The following ZNF469 variants were observed in gnomAD, a reference collection of about 807,000 sequenced individuals.
The protein encoded by ZNF469 is zinc finger protein 469.
Under a neutral mutation model 1.0 loss-of-function variants are expected in ZNF469, and 1 was observed. The ratio of observed to expected loss-of-function variants is 1.00; its 90% CI spans 0.35 to 4.73. ZNF469 has a LOEUF of 4.73. Among genes scored for constraint, ZNF469 ranks in the 30% most tolerant of loss-of-function variants. The pLI is 0.16. For missense variants in ZNF469, 6,100 were observed against 5,356.3 expected (o/e 1.14, Z -4.33); for synonymous variants, 2,703 against 2,363.4 (o/e 1.14, Z -4.17).
At chr16:88,317,085 G>A in the ZNF469 span, among the ~76,000 whole-genome samples, 1 of 152,218 alleles carries the variant, frequency 6.6e-6, no homozygotes. Flanking sequence ...CGGCCGGCCA[G>A]AGGCTTGAGG....
At chr16:88,146,461 C>T in the ZNF469 span, among the ~76,000 whole-genome samples, 1 of 152,156 alleles carries the variant, frequency 6.6e-6, no homozygotes, top group African/African-American at 2.4e-5. Flanking sequence ...GTCTCACGCC[C>T]CCAGGTGCAG....
the ZNF469 span, among the ~76,000 whole-genome samples, chr16:88,134,942 G>T: frequency 2.0e-5 from 3 of 152,222 alleles, no homozygotes; most frequent in Non-Finnish European, 4.4e-5. Context: ...TCTGTTAACT[G>T]ATTCATTTCA....
the ZNF469 span, among the ~76,000 whole-genome samples, chr16:88,187,210 A>C: frequency 6.6e-6 from 1 of 152,064 alleles, no homozygotes; most frequent in Non-Finnish European, 1.5e-5. Context: ...ACCCTGAAGC[A>C]GCTCTTCTTT....
the ZNF469 span, among the ~76,000 whole-genome samples, chr16:88,355,182 G>T: frequency 6.6e-6 from 1 of 152,154 alleles, no homozygotes; most frequent in Non-Finnish European, 1.5e-5. Flanking sequence ...ACTCTACAAC[G>T]AGACTATCAC....
At chr16:88,268,500 C>T in the ZNF469 span, among the ~76,000 whole-genome samples, 13 of 151,530 alleles carry the variant, frequency 8.6e-5, no homozygotes, top group African/African-American at 2.7e-4. Context: ...TGAAGAGGAC[C>T]GGCTGAGTAT....
At chr16:88,220,334 C>T in the ZNF469 span, among the ~76,000 whole-genome samples, 6 of 152,278 alleles carry the variant, frequency 3.9e-5, no homozygotes, top group Admixed American at 3.9e-4. Context: ...TGCTATAAAA[C>T]CTGGAGAATT....
intron 1 of ZNF469, among the ~76,000 whole-genome samples, chr16:88,408,085 G>A (rs1477883337): frequency 6.6e-6 from 1 of 152,206 alleles, no homozygotes; most frequent in Non-Finnish European, 1.5e-5. Context: ...TTGGTTTGTG[G>A]TTTGTGTCTC....
At chr16:88,309,550 G>A in the ZNF469 span, among the ~76,000 whole-genome samples, 2 of 150,514 alleles carry the variant, frequency 1.3e-5, no homozygotes, top group South Asian at 2.1e-4. Context: ...CACCTGATGG[G>A]GGGAGTACCC....
the ZNF469 span, among the ~76,000 whole-genome samples, chr16:88,123,928 C>T: frequency 1.7e-3 from 260 of 152,280 alleles, 1 homozygote; most frequent in African/African-American, 6.0e-3. Flanking sequence ...CTCAGCCTCC[C>T]AAGTAGCTGG....
the ZNF469 span, among the ~76,000 whole-genome samples, chr16:88,264,678 C>T: frequency 2.6e-5 from 4 of 151,954 alleles, no homozygotes; most frequent in South Asian, 2.1e-4. Context: ...CACCTTTGTC[C>T]GGCCTCCCAG....
chr16:88,186,420 C>G, the ZNF469 span, among the ~76,000 whole-genome samples: 1 of 152,162 alleles, frequency 6.6e-6, no homozygotes, highest in Non-Finnish European at 1.5e-5. Context: ...CCAGGCCGAC[C>G]GGGGAGGCTG....
At chr16:88,218,504 T>C in the ZNF469 span, among the ~76,000 whole-genome samples, 1 of 152,210 alleles carries the variant, frequency 6.6e-6, no homozygotes, top group African/African-American at 2.4e-5. Flanking sequence ...GTTTTAGACA[T>C]GAAGTCCTTG....
chr16:88,239,683 A>G, the ZNF469 span, among the ~76,000 whole-genome samples: 16 of 6,024 alleles, frequency 2.7e-3, no homozygotes, highest in Admixed American at 3.4e-3. Context: ...ATATATATAT[A>G]TATATATATA....
chr16:88,185,079 G>A, the ZNF469 span, among the ~76,000 whole-genome samples: 1 of 132,532 alleles, frequency 7.5e-6, no homozygotes, highest in Non-Finnish European at 1.7e-5. Flanking sequence ...ACACCCACGG[G>A]CACACCTAGA....
intron 1 of ZNF469, among the ~76,000 whole-genome samples, chr16:88,417,582 T>C (rs1178107843): frequency 6.6e-6 from 1 of 152,154 alleles, no homozygotes; most frequent in Non-Finnish European, 1.5e-5. Context: ...CCCCAAACGT[T>C]TCTCGCTCCC....
At chr16:88,181,016 C>G in the ZNF469 span, among the ~76,000 whole-genome samples, 1 of 151,572 alleles carries the variant, frequency 6.6e-6, no homozygotes, top group Non-Finnish European at 1.5e-5. Context: ...CAATATCATC[C>G]AAATTGATTG....
At chr16:88,105,573 G>A in the ZNF469 span, among the ~76,000 whole-genome samples, 154 of 152,306 alleles carry the variant, frequency 1.0e-3, no homozygotes, top group Non-Finnish European at 1.5e-3. Flanking sequence ...CCAAAGTGCT[G>A]GGATTATGGC....
the ZNF469 span, among the ~76,000 whole-genome samples, chr16:88,199,257 C>T: frequency 1.4e-4 from 22 of 152,318 alleles, no homozygotes; most frequent in East Asian, 3.9e-4. Flanking sequence ...CCCTGGCACC[C>T]GACAACCCCA....
At chr16:88,173,162 G>T in the ZNF469 span, among the ~76,000 whole-genome samples, 2 of 152,126 alleles carry the variant, frequency 1.3e-5, no homozygotes, top group Non-Finnish European at 2.9e-5. Context: ...CCACATCAAG[G>T]CATGTTATAA....
Sources: allele counts gnomAD v4.1 joint callset (sites outside exome capture counted in the v4.1 genomes callset), GRCh38; gene constraint gnomAD v4.1.1; transcripts MANE v1.5; gene names NCBI Gene and HGNC (gene_info 2026-07-23, HGNC 2026-07-21).